Variants in RB1CC1 observed in about 807,000 individuals in gnomAD.
RB1CC1 encodes the protein RB1-inducible coiled-coil protein 1.
RB1CC1 carries 46 observed loss-of-function variants against 177.5 expected under a neutral mutation model. The ratio of observed to expected loss-of-function variants is 0.26; its 90% CI spans 0.20 to 0.33. The LOEUF (loss-of-function observed/expected upper bound fraction) is 0.33. Ranked by LOEUF, RB1CC1 falls within the 10% of genes least tolerant of loss-of-function variation. The pLI is 1.00. For missense variants in RB1CC1, 1,703 were observed against 1,816.3 expected, an observed-to-expected ratio of 0.94 and a Z score of 1.13; for synonymous variants, 666 against 613.6, an observed-to-expected ratio of 1.09 and a Z score of -1.26.
rs1855862595 is a variant in RB1CC1, at chr8:52,699,826, AAAAAATATATATATATATATAT to A, written c.-166-12881_-166-12860del. On this transcript the variant is annotated intron_variant, in intron 1 of 23. Transcript: ENST00000025008. ...TCTCAAAAAAAAAAAAAAAAAAAAAAAAAAATATATATATATATATATATATATATATACACACAAAAACAAA... is the reference window on the plus strand; with the variant it reads ...TCTCAAAAAAAAAAAAAAAAAAAAAAATATATATATACACACAAAAACAAA... Among the ~76,000 whole-genome samples the A allele has an allele frequency of 7.4e-5, 6 of 80,920 alleles. 1 individual carries two copies. The highest frequency in any genetic ancestry group is 7.6e-5 in the Non-Finnish European group (3 of 39,474). 53.1% of individuals were successfully genotyped at this position (80,920 alleles called of 152,430 possible).
chr8:52,664,142 T>C (rs1851860376), intron 8 of RB1CC1, among the ~76,000 whole-genome samples: 1 of 152,216 alleles, frequency 6.6e-6, no homozygotes, highest in African/African-American at 2.4e-5. Flanking sequence ...TGAAAAGTTG[T>C]CTCACTCACC....
In RB1CC1 at chr8:52,658,075, G is replaced by A. The variant is rs1014681646; in HGVS notation, c.1843C>T (p.Leu615=). The A allele has an allele frequency of 9.3e-6, 15 of 1,613,904 alleles. No individual in the cohort carries two copies. The highest frequency in any genetic ancestry group is 2.7e-5 in the African/African-American group (2 of 75,030). Reference sequence around the variant, plus strand: ...TGTGCTGCTTTTACCAAATTATGTAGAGCAAGTACATGCTGGTGTAGAGGT... The same window carrying A: ...TGTGCTGCTTTTACCAAATTATGTAAAGCAAGTACATGCTGGTGTAGAGGT... The part of the protein sequence containing the change: ...FEPLHQHVLA[L]HNLVKAAQSL... The change falls in exon 14 of 24, where the codon CTA becomes TTA. Residue 615 remains leucine (L), a synonymous_variant. Transcript: ENST00000025008.
chr8:52,644,527 T>TA (rs1849843174), intron 16 of RB1CC1, among the ~76,000 whole-genome samples: 1 of 152,204 alleles, frequency 6.6e-6, no homozygotes, highest in African/African-American at 2.4e-5. Flanking sequence ...TCCAGATTCT[T>TA]AGAGAGAGGT....
rs770271925 is a variant in RB1CC1, at chr8:52,683,551, A to G, written c.367T>C (p.Leu123=). ...HTVASRTQLA[L]EMYEVAKKLC... ...TAAAATAATTGTTTATATCTTACCA[A>G]TGCAAGCTGTGTCCTTGAAGCAACA... Residue 123 remains leucine, a splice_region_variant and synonymous_variant, in exon 5 of 24, where the codon TTG becomes CTG. Transcript: ENST00000025008. 3.2e-5 allele frequency: 51 copies of G among 1,581,716 alleles called. No homozygotes were observed. The highest frequency in any genetic ancestry group is 4.1e-5 in the Non-Finnish European group (48 of 1,166,538).
chr8:52,629,015 G>A (rs1848582700), intron 21 of RB1CC1, among the ~76,000 whole-genome samples: 1 of 152,152 alleles, frequency 6.6e-6, no homozygotes, highest in South Asian at 2.1e-4. Context: ...GATGGGAAAT[G>A]GGGCCTCTAT....
chr8:52,702,020 C>A (rs1856117429), intron 1 of RB1CC1, among the ~76,000 whole-genome samples: 1 of 152,106 alleles, frequency 6.6e-6, no homozygotes, highest in Non-Finnish European at 1.5e-5. Context: ...GTTGGCCAGG[C>A]TGGTCTCGAA....
rs572026080 is a variant in RB1CC1 at position 52,633,951 on chromosome 8, CCAAAA to C, written c.4440+965_4440+969del. Among the ~76,000 whole-genome samples, 367 of 152,142 alleles carry C rather than the reference CCAAAA, an allele frequency of 2.4e-3. 5 individuals are homozygous for C. Among genetic ancestry groups the C allele is most frequent in the African/African-American group, 8.1e-3 (338 of 41,522 alleles). ...GAAAACAAAAAAACAAAACCTAAAA[CCAAAA>C]CAAAACAAAAATTAGCTGGGTGCAG... is the stretch of plus-strand genomic sequence containing the variant. On this transcript the variant is annotated intron_variant, in intron 20 of 23. Transcript: ENST00000025008.
intron 5 of RB1CC1, among the ~76,000 whole-genome samples, chr8:52,677,016 T>C (rs1299283393): frequency 6.6e-6 from 1 of 152,168 alleles, no homozygotes; most frequent in African/African-American, 2.4e-5. Flanking sequence ...TTCTAGAAAA[T>C]ATTTAAGCAG....
rs142044660 is a variant in RB1CC1 at position 52,683,920 on chromosome 8, T to A, written c.165A>T (p.Ala55=). The change falls in exon 4 of 24, where the codon GCA becomes GCT. Residue 55 remains alanine (A), a synonymous_variant. Coordinates refer to ENST00000025008, the MANE Select transcript of RB1CC1 (RefSeq NM_014781.5). ...LVVNGGECMA[A]DRRVCTYSAG... is the part of the protein sequence containing the mutation. ...CACTGTAGGTACACACTCTTCGATC[T>A]GCAGCCATGCATTCTCCTCCATTGA... The A allele has an allele frequency of 2.5e-6, 4 of 1,614,042 alleles. No homozygotes were observed. The African/African-American group carries it at 5.3e-5, about 22-fold the overall frequency.
intron 22 of RB1CC1, among the ~76,000 whole-genome samples, chr8:52,627,443 C>T (rs1056135046): frequency 6.6e-5 from 10 of 152,162 alleles, no homozygotes; most frequent in African/African-American, 2.4e-4. Flanking sequence ...AATGGACTTA[C>T]TTCGTTTTAG....
chr8:52,661,315 CA>C, intron 9 of RB1CC1, 34 bp from the exon 10 acceptor site: 1 of 1,601,278 alleles, frequency 6.2e-7, no homozygotes. Context: ...TCAACATTCA[CA>C]AAACTGGTAC....
chr8:52,630,825 T>C (rs1028562759), intron 20 of RB1CC1, among the ~76,000 whole-genome samples: 2 of 152,200 alleles, frequency 1.3e-5, no homozygotes, highest in African/African-American at 2.4e-5. Flanking sequence ...TCTAATGCAT[T>C]AGATTCAAAA....
At chr8:52,713,902 A>G (rs1245454133) in intron 1 of RB1CC1, among the ~76,000 whole-genome samples, 173 bp downstream of exon 1, 2 of 152,050 alleles carry the variant, frequency 1.3e-5, no homozygotes, top group Non-Finnish European at 2.9e-5. Flanking sequence ...CCAGTGGGCA[A>G]CACCTGCCGG....
intron 7 of RB1CC1, among the ~76,000 whole-genome samples, chr8:52,672,723 C>T (rs1420386437): frequency 2.0e-5 from 3 of 151,940 alleles, no homozygotes; most frequent in Admixed American, 6.6e-5. Context: ...CCGGCCTGGG[C>T]GACAGAGTGA....
intron 8 of RB1CC1, 151 bp from the exon 9 acceptor site, chr8:52,661,870 G>A: frequency 1.8e-6 from 1 of 544,982 alleles, no homozygotes; most frequent in Middle Eastern, 5.0e-4. Flanking sequence ...GAATGTAGTA[G>A]ATGCATAAAT....
At chr8:52,651,821 G>C (rs1052358125) in intron 15 of RB1CC1, among the ~76,000 whole-genome samples, 7 of 152,146 alleles carry the variant, frequency 4.6e-5, no homozygotes, top group African/African-American at 1.7e-4. Context: ...CCGTGAACTC[G>C]TGTTTTCCAA....
At chr8:52,701,263 C>A (rs1260423601) in intron 1 of RB1CC1, among the ~76,000 whole-genome samples, 1 of 152,022 alleles carries the variant, frequency 6.6e-6, no homozygotes, top group Non-Finnish European at 1.5e-5. Flanking sequence ...GCTTTGATTA[C>A]ACGCACCCAC....
At chr8:52,708,312 C>T (rs1431056321) in intron 1 of RB1CC1, among the ~76,000 whole-genome samples, 11 of 151,934 alleles carry the variant, frequency 7.2e-5, no homozygotes, top group Non-Finnish European at 1.3e-4. Context: ...GTAAGGAGAT[C>T]GAGACCATCC....
intron 1 of RB1CC1, among the ~76,000 whole-genome samples, chr8:52,705,900 T>C (rs1856499582): frequency 6.6e-6 from 1 of 152,192 alleles, no homozygotes; most frequent in African/African-American, 2.4e-5. Flanking sequence ...TAAAAATGTT[T>C]TGATCTATAC....
Sources: gnomAD v4.1 joint callset for allele counts (sites outside exome capture counted in the v4.1 genomes callset) on GRCh38, gnomAD v4.1.1 for gene constraint, MANE v1.5 for transcripts, NCBI Gene and HGNC (gene_info 2026-07-23, HGNC 2026-07-21) for gene names.